SNX1: variants seen among roughly 807,000 people sequenced by gnomAD.
SNX1 encodes the protein sorting nexin-1.
In SNX1, 36 loss-of-function variants were observed where a neutral mutation model predicts 71.8. That is an observed-to-expected ratio of 0.50 (90% confidence interval 0.38 to 0.66). The LOEUF is 0.66. Ranked by LOEUF, SNX1 falls within the 30% of genes least tolerant of loss-of-function variation. The pLI is 0.00. For synonymous variants in SNX1, 254 were observed against 240.7 expected, an observed-to-expected ratio of 1.06 and a Z score of -0.51; for missense variants, 612 against 646.7, an observed-to-expected ratio of 0.95 and a Z score of 0.58.
At chr15:64,126,360 C>A (rs2081252694) in intron 6 of SNX1, 140 bp downstream of exon 6, 1 of 982,038 alleles carries the variant, frequency 1.0e-6, no homozygotes, top group South Asian at 1.8e-5. Context: ...TTTTCCTACA[C>A]TGGAGGTCTA....
At chr15:64,103,078 T>C (rs999940179) in intron 1 of SNX1, among the ~76,000 whole-genome samples, 1 of 152,200 alleles carries the variant, frequency 6.6e-6, no homozygotes. Context: ...ATACCACATA[T>C]TCTTTATCCA....
chr15:64,124,032 A>G (rs973481884), intron 5 of SNX1, among the ~76,000 whole-genome samples: 1 of 151,648 alleles, frequency 6.6e-6, no homozygotes, highest in African/African-American at 2.4e-5. Context: ...CACTAGTCTT[A>G]AAGTTGAGTA....
In SNX1 at chr15:64,096,102, G is replaced by A; in HGVS notation, c.89G>A (p.Gly30Glu). Reference protein sequence around the residue: ...GLEPESEGAAGGSEPEAGDSD... With the variant: ...GLEPESEGAAEGSEPEAGDSD... ...GAGCCGGAGTCCGAGGGGGCGGCCG[G>A]GGGATCAGAACCCGAGGCTGGGGAC... The change falls in exon 1 of 15, where the codon GGG becomes GAG. Residue 30 changes from glycine to glutamate, a missense_variant. By Grantham distance (98) the Gly-to-Glu change is moderately conservative. Transcript: ENST00000559844. 9 of 1,565,132 alleles carry A rather than the reference G, an allele frequency of 5.8e-6. No individual in the cohort carries two copies. Among genetic ancestry groups the A allele is most frequent in the Non-Finnish European group, 7.8e-6 (9 of 1,156,958 alleles).
At chr15:64,135,240 C>T (rs1210289661) in intron 12 of SNX1, among the ~76,000 whole-genome samples, 1 of 151,858 alleles carries the variant, frequency 6.6e-6, no homozygotes, top group Non-Finnish European at 1.5e-5. Flanking sequence ...GCCTCAGCCT[C>T]CCAAGTAGCT....
chr15:64,137,576 G>C lies in SNX1; in HGVS notation c.1527G>C (p.Lys509Asn), dbSNP rs763270451. The C allele has an allele frequency of 6.2e-7, 1 of 1,614,178 alleles. No individual in the cohort carries two copies. Among genetic ancestry groups the C allele is most frequent in the African/African-American group, 1.3e-5 (1 of 75,058 alleles). Residue 509 changes from lysine to asparagine, a missense_variant, in exon 15 of 15, where the codon AAG becomes AAC. Around this residue, in one of 2 missense-constraint regions of SNX1, gnomAD observed 296 missense variants for 361.9 expected, o/e 0.82. Transcript: ENST00000559844. The stretch of plus-strand genomic sequence containing the variant: ...TCCCCACTTCTTTGCAGCTGGCAAA[G>C]TACTGGGAAGCCTTCCTTCCTGAGG... ...TLLYSQQQLA[K>N]YWEAFLPEAK... is the part of the protein sequence containing the mutation.
intron 1 of SNX1, among the ~76,000 whole-genome samples, chr15:64,101,648 T>A (rs1290556609): frequency 6.6e-6 from 1 of 152,162 alleles, no homozygotes; most frequent in African/African-American, 2.4e-5. Flanking sequence ...GATCTTGTGG[T>A]AGTTCTATTT....
At chr15:64,100,805 A>G (rs889097010) in intron 1 of SNX1, among the ~76,000 whole-genome samples, 3 of 152,002 alleles carry the variant, frequency 2.0e-5, no homozygotes, top group Non-Finnish European at 2.9e-5. Context: ...AAAGCTTTTT[A>G]TTTGTTTGTT....
intron 1 of SNX1, among the ~76,000 whole-genome samples, chr15:64,097,907 C>G (rs2080920054): frequency 6.6e-6 from 1 of 152,178 alleles, no homozygotes. Flanking sequence ...GTCCTGTATT[C>G]AGAAATTGAG....
At chr15:64,136,071 G>A (rs142580430) in intron 12 of SNX1, among the ~76,000 whole-genome samples, 138 of 152,330 alleles carry the variant, frequency 9.1e-4, no homozygotes, top group African/African-American at 3.1e-3. Flanking sequence ...CTGCTGGCAT[G>A]TCAGAGCCTT....
At chr15:64,124,751 T>C (rs2081232919) in intron 5 of SNX1, among the ~76,000 whole-genome samples, 1 of 152,180 alleles carries the variant, frequency 6.6e-6, no homozygotes, top group Non-Finnish European at 1.5e-5. Flanking sequence ...CCAGGAGTAA[T>C]TCCCGTGGGT....
chr15:64,097,489 C>T (rs945448138), intron 1 of SNX1, among the ~76,000 whole-genome samples: 3 of 152,168 alleles, frequency 2.0e-5, no homozygotes, highest in Non-Finnish European at 4.4e-5. Context: ...CCTCAGATTC[C>T]CTGCCCCCAA....
intron 1 of SNX1, among the ~76,000 whole-genome samples, chr15:64,102,472 G>T (rs1209089080): frequency 6.6e-6 from 1 of 152,112 alleles, no homozygotes; most frequent in African/African-American, 2.4e-5. Context: ...TCAAATACTA[G>T]AACTTATTCC....
intron 9 of SNX1, 85 bp from the exon 10 acceptor site, chr15:64,130,143 C>G (rs890878301): frequency 4.1e-6 from 6 of 1,474,490 alleles, no homozygotes; most frequent in Non-Finnish European, 5.7e-6. Flanking sequence ...TTTTTCAGTC[C>G]CTTTTTGAGA....
chr15:64,100,211 A>G (rs1180217949), intron 1 of SNX1, among the ~76,000 whole-genome samples: 2 of 152,162 alleles, frequency 1.3e-5, no homozygotes, highest in Non-Finnish European at 2.9e-5. Context: ...ACAGCCCAAG[A>G]GGCTTTGTTA....
In SNX1 at chr15:64,139,971, G is replaced by A. The variant is rs1003378658; in HGVS notation, c.*2353G>A. ...ATATCACAGAAGCAGTGTGTCGTCAGTGCGTCGTAATCAGCATATAATGTC... is the reference window on the plus strand; with the variant it reads ...ATATCACAGAAGCAGTGTGTCGTCAATGCGTCGTAATCAGCATATAATGTC... On this transcript the variant is annotated 3_prime_UTR_variant, in exon 15 of 15. Transcript: ENST00000559844. 3.3e-5 allele frequency: 5 copies of A among 152,182 alleles called. No homozygotes were observed. The highest frequency in any genetic ancestry group is 5.9e-5 in the Non-Finnish European group (4 of 68,040). The allele number at this position is 152,182 out of a possible 1,614,324, so 9.4% of individuals were successfully genotyped here.
chr15:64,131,794 GA>G lies in SNX1; in HGVS notation c.1129del (p.Ile377LeufsTer20). On this transcript the variant is annotated frameshift_variant, in exon 11 of 15. Transcript: ENST00000559844. LOFTEE classifies it high-confidence loss of function. Reference sequence around the variant, plus strand: ...ACTCTCCCAGCTGGCTGAGGTGGAAGAAAAAATTGAGCAGCTCCACCAGGAA... The same window carrying G: ...ACTCTCCCAGCTGGCTGAGGTGGAAGAAAAATTGAGCAGCTCCACCAGGAA... The part of the protein sequence containing the change: ...RALSQLAEVE[E>X]KIEQLHQEQA... 6.2e-7 allele frequency: 1 copy of G among 1,614,204 alleles called. No individual in the cohort carries two copies.
At chr15:64,101,413 T>C (rs1032348921) in intron 1 of SNX1, among the ~76,000 whole-genome samples, 2 of 152,354 alleles carry the variant, frequency 1.3e-5, no homozygotes, top group Non-Finnish European at 2.9e-5. Flanking sequence ...GTCCTCAAGG[T>C]TCATCCATGT....
chr15:64,108,464 C>T (rs1595981019), intron 1 of SNX1, among the ~76,000 whole-genome samples: 2 of 152,072 alleles, frequency 1.3e-5, no homozygotes, highest in Admixed American at 1.3e-4. Flanking sequence ...ACTCAAATCT[C>T]GTGGAAGACT....
intron 10 of SNX1, among the ~76,000 whole-genome samples, chr15:64,130,690 C>T (rs1745183004): frequency 1.3e-5 from 2 of 152,212 alleles, no homozygotes; most frequent in African/African-American, 2.4e-5. Context: ...CACCTGTCTC[C>T]TAATCCTTCT....
Sources: gnomAD v4.1 joint callset for allele counts (sites outside exome capture counted in the v4.1 genomes callset) on GRCh38, gnomAD v4.1.1 for gene constraint, gnomAD v4.1.1 regional missense constraint, MANE v1.5 for transcripts, NCBI Gene and HGNC (gene_info 2026-07-23, HGNC 2026-07-21) for gene names.